The following GFM1 variants were observed in gnomAD, a reference collection of about 807,000 sequenced individuals.
The protein encoded by GFM1 is G elongation factor mitochondrial 1.
Under a neutral mutation model 96.2 loss-of-function variants are expected in GFM1, and 62 were observed. That is an observed-to-expected ratio of 0.64 (90% CI 0.53 to 0.80). GFM1 has a LOEUF of 0.80. GFM1 is among the 30% of genes least tolerant of loss of function. The probability of loss-of-function intolerance (pLI) is 0.00; values close to 1 mark genes in which losing one functional copy is unlikely to be tolerated. For synonymous variants in GFM1, 282 were observed against 312.9 expected, an observed-to-expected ratio of 0.90 and a Z score of 1.04; for missense variants, 852 against 916.6, an observed-to-expected ratio of 0.93 and a Z score of 0.91.
At chr3:158,678,014 T>C (rs1038082478) in intron 13 of GFM1, among the ~76,000 whole-genome samples, 1 of 152,180 alleles carries the variant, frequency 6.6e-6, no homozygotes, top group African/African-American at 2.4e-5. Flanking sequence ...ATAATAATTA[T>C]GCTAAATCTA....
chr3:158,672,591 C>G, intron 13 of GFM1: 1 of 1,310,360 alleles, frequency 7.6e-7, no homozygotes, highest in South Asian at 1.3e-5. Context: ...GGAAAAGTCG[C>G]AAGCTCCTTC....
intron 8 of GFM1, chr3:158,657,548 A>G (rs1272942872): frequency 6.6e-6 from 1 of 152,196 alleles, no homozygotes; most frequent in Admixed American, 6.5e-5. Flanking sequence ...GTATAGTCGA[A>G]TATGTCAGTC....
At chr3:158,686,092 G>A (rs1392124702) in intron 15 of GFM1, among the ~76,000 whole-genome samples, 2 of 150,456 alleles carry the variant, frequency 1.3e-5, no homozygotes, top group African/African-American at 2.4e-5. Context: ...AGATCTATGT[G>A]GCCATATATA....
At position 158,654,684 on chromosome 3, in the gene GFM1, T is replaced by C. The variant is rs1576737277; in HGVS notation, c.1083+53T>C. 2.6e-6 allele frequency: 3 copies of C among 1,151,706 alleles called. No homozygotes were observed. The East Asian group carries it at 7.1e-5, about 27-fold the overall frequency. 71.3% of individuals were successfully genotyped at this position (1,151,706 alleles called of 1,614,324 possible). Reference sequence around the variant, plus strand: ...GCTATCTGTAGAATGTTTTTACTTCTAGGCTTTATTCCTATTACAGAATGA... The same window carrying C: ...GCTATCTGTAGAATGTTTTTACTTCCAGGCTTTATTCCTATTACAGAATGA... On this transcript the variant is annotated intron_variant, in intron 8 of 17. Transcript: ENST00000486715.
At chr3:158,654,876 G>C (rs1722616546) in intron 8 of GFM1, among the ~76,000 whole-genome samples, 1 of 152,152 alleles carries the variant, frequency 6.6e-6, no homozygotes, top group South Asian at 2.1e-4. Context: ...TACCTGTATA[G>C]TTTTGTCCTG....
intron 11 of GFM1, among the ~76,000 whole-genome samples, chr3:158,662,925 T>C (rs939778554): frequency 5.9e-5 from 9 of 152,226 alleles, no homozygotes; most frequent in African/African-American, 2.2e-4. Flanking sequence ...AACTCTTTAC[T>C]ATATTGTTGG....
intron 13 of GFM1, among the ~76,000 whole-genome samples, chr3:158,678,670 C>T (rs755088265): frequency 6.7e-6 from 1 of 148,556 alleles, no homozygotes. Flanking sequence ...GGGATCTACT[C>T]CTGTTGAAAA....
In GFM1 at chr3:158,690,126, A is replaced by G. The variant is rs1290432335; in HGVS notation, c.1910-37A>G. 8 of 1,563,646 alleles carry G rather than the reference A, an allele frequency of 5.1e-6. No individual in the cohort carries two copies. In the Admixed American group the frequency reaches 1.2e-4, roughly 23 times the overall value. On this transcript the variant is annotated intron_variant, in intron 15 of 17. Transcript: ENST00000486715. ...TCTGGACAGAAGAGTTGTAGTTTGT[A>G]TGAAGACTAATGAACTTTTTTTTTT...
rs149454742 is a variant in GFM1, at chr3:158,665,450, A to G, written c.1494A>G (p.Glu498=). 643 of 1,610,654 alleles carry G rather than the reference A, an allele frequency of 4.0e-4. 1 individual carries two copies. The highest frequency in any genetic ancestry group is 5.0e-4 in the Middle Eastern group (3 of 6,046). The change falls in exon 12 of 18, where the codon GAA becomes GAG. Residue 498 remains glutamate, a synonymous_variant. Transcript: ENST00000486715. The part of the protein sequence containing the change: ...NKETVISGMG[E]LHLEIYAQRL... Reference sequence around the variant, plus strand: ...AGACAGTTATATCTGGAATGGGAGAATTACACCTGGAAATCTATGCTCAGG... The same window carrying G: ...AGACAGTTATATCTGGAATGGGAGAGTTACACCTGGAAATCTATGCTCAGG...
intron 14 of GFM1, chr3:158,682,540 T>C: frequency 4.6e-6 from 1 of 218,404 alleles, no homozygotes; most frequent in Non-Finnish European, 9.4e-6. Flanking sequence ...GTCTCATGTC[T>C]ACTACTGATT....
chr3:158,666,563 A>T, intron 13 of GFM1, 177 bp downstream of exon 13: 1 of 1,298,732 alleles, frequency 7.7e-7, no homozygotes, highest in East Asian at 2.3e-5. Flanking sequence ...CTTTGGGATT[A>T]TTTGGCCTCA....
chr3:158,648,339 T>C (rs1241463342), intron 4 of GFM1, among the ~76,000 whole-genome samples: 1 of 152,166 alleles, frequency 6.6e-6, no homozygotes, highest in Non-Finnish European at 1.5e-5. Context: ...CTAGAGCATA[T>C]TCTTTTCCAG....
rs572160127 is a variant in GFM1 at position 158,665,367 on chromosome 3, G to A, written c.1411G>A (p.Gly471Ser). The A allele has an allele frequency of 6.2e-7, 1 of 1,610,472 alleles. No homozygotes were observed. The highest frequency in any genetic ancestry group is 1.1e-5 in the South Asian group (1 of 90,978). Residue 471 changes from glycine (G) to serine (S), a missense_variant, in exon 12 of 18, where the codon GGC becomes AGC. By Grantham distance (56) the Gly-to-Ser change is moderately conservative. Coordinates refer to ENST00000486715, the MANE Select transcript of GFM1 (RefSeq NM_024996.7). ...TCTGGAAAAATTTTCAAAAGGTATT[G>A]GCAGGTTTACAAGAGAAGATCCCAC... Reference protein sequence around the residue: ...NDLEKFSKGIGRFTREDPTFK... With the variant: ...NDLEKFSKGISRFTREDPTFK...
intron 15 of GFM1, among the ~76,000 whole-genome samples, chr3:158,686,731 T>G (rs1276025746): frequency 7.2e-6 from 1 of 139,310 alleles, no homozygotes; most frequent in Non-Finnish European, 1.5e-5. Context: ...GTTTTTTTTT[T>G]TTTTTTTTTT....
At chr3:158,672,587 G>C in intron 13 of GFM1, 1 of 1,364,950 alleles carries the variant, frequency 7.3e-7, no homozygotes, top group Non-Finnish European at 1.0e-6. Context: ...AGGCGGAAAA[G>C]TCGCAAGCTC....
At chr3:158,673,672 C>T (rs887219065) in intron 13 of GFM1, among the ~76,000 whole-genome samples, 2 of 151,418 alleles carry the variant, frequency 1.3e-5, no homozygotes, top group African/African-American at 2.4e-5. Flanking sequence ...CCACAATGCC[C>T]GGCTAGTTTT....
At chr3:158,669,462 T>C in intron 13 of GFM1, 1 of 1,613,630 alleles carries the variant, frequency 6.2e-7, no homozygotes, top group Middle Eastern at 1.7e-4. Context: ...TAGCGGTTCC[T>C]TCATGGACTT....
chr3:158,653,193 A>T, intron 6 of GFM1, 117 bp from the exon 7 acceptor site: 1 of 790,356 alleles, frequency 1.3e-6, no homozygotes, highest in Non-Finnish European at 2.1e-6. Flanking sequence ...AGTCTCTATT[A>T]GAGTCAGCAC....
intron 13 of GFM1, among the ~76,000 whole-genome samples, chr3:158,675,918 G>A (rs1024144803): frequency 5.3e-5 from 8 of 152,156 alleles, no homozygotes; most frequent in African/African-American, 1.7e-4. Flanking sequence ...TACTTTGGTT[G>A]TTATATATGT....
Sources: allele counts gnomAD v4.1 joint callset (sites outside exome capture counted in the v4.1 genomes callset), GRCh38; gene constraint gnomAD v4.1.1; transcripts MANE v1.5; gene names NCBI Gene and HGNC (gene_info 2026-07-23, HGNC 2026-07-21).